The following KYAT3 variants were observed in gnomAD, a reference collection of about 807,000 sequenced individuals.
KYAT3 encodes the protein kynurenine--oxoglutarate transaminase 3.
KYAT3 carries 50 observed loss-of-function variants against 59.0 expected under a neutral mutation model. That is an observed-to-expected ratio of 0.85 (90% confidence interval 0.68 to 1.07). The LOEUF (loss-of-function observed/expected upper bound fraction) is 1.07. KYAT3 is among the 50% of genes least tolerant of loss of function. The pLI, the probability that KYAT3 is intolerant of heterozygous loss-of-function variation, is 0.00. For missense variants in KYAT3, 497 were observed against 533.3 expected, an observed-to-expected ratio of 0.93 and a Z score of 0.67; for synonymous variants, 148 against 177.0, an observed-to-expected ratio of 0.84 and a Z score of 1.30.
chr1:88,950,845 T>G (rs1295647526), intron 10 of KYAT3, among the ~76,000 whole-genome samples: 1 of 152,222 alleles, frequency 6.6e-6, no homozygotes, highest in Non-Finnish European at 1.5e-5. Flanking sequence ...CAAAACTCTC[T>G]AGTGACTTCC....
At chr1:88,964,710 A>T (rs1402901906) in intron 5 of KYAT3, 119 bp downstream of exon 5, 5 of 815,056 alleles carry the variant, frequency 6.1e-6, no homozygotes, top group South Asian at 1.6e-5. Flanking sequence ...TACATGCATT[A>T]TACTTAAAAC....
At chr1:88,924,003 C>T in the KYAT3 span, among the ~76,000 whole-genome samples, 108 of 152,336 alleles carry the variant, frequency 7.1e-4, 1 homozygote, top group African/African-American at 2.3e-3. Flanking sequence ...TGGTGCCTGG[C>T]GGTGAGCAGG....
At chr1:88,945,105 A>G (rs1389809560) in intron 11 of KYAT3, among the ~76,000 whole-genome samples, 1 of 152,166 alleles carries the variant, frequency 6.6e-6, no homozygotes, top group African/African-American at 2.4e-5. Flanking sequence ...CGGCCTCCCA[A>G]AGTGCTGGGA....
chr1:88,947,991 C>T (rs926493820), intron 11 of KYAT3, among the ~76,000 whole-genome samples: 2 of 152,138 alleles, frequency 1.3e-5, no homozygotes, highest in African/African-American at 2.4e-5. Context: ...ACTCAGGAGA[C>T]TCAGGTGGCA....
chr1:88,924,162 C>T, the KYAT3 span, among the ~76,000 whole-genome samples: 7 of 152,318 alleles, frequency 4.6e-5, no homozygotes, highest in East Asian at 1.9e-4. Context: ...CCAGTCAGTC[C>T]GTATAGAAAC....
intron 4 of KYAT3, among the ~76,000 whole-genome samples, chr1:88,967,027 C>A (rs1241828125): frequency 1.3e-5 from 2 of 151,890 alleles, no homozygotes; most frequent in Admixed American, 6.6e-5. Context: ...CTATGGTAAA[C>A]CTTACTTGGT....
downstream of KYAT3, among the ~76,000 whole-genome samples, chr1:88,934,358 G>A (rs1276271372): frequency 6.6e-6 from 1 of 152,146 alleles, no homozygotes; most frequent in Non-Finnish European, 1.5e-5. Flanking sequence ...GATGGCTGAG[G>A]CATGAGAATT....
intron 8 of KYAT3, among the ~76,000 whole-genome samples, chr1:88,959,395 G>A (rs895649425): frequency 2.0e-5 from 3 of 151,748 alleles, no homozygotes; most frequent in African/African-American, 7.3e-5. Context: ...TGGCCAACAC[G>A]GTGAAACCCC....
chr1:88,988,436 C>A, intron 1 of KYAT3, 85 bp from the exon 2 acceptor site: 2 of 703,886 alleles, frequency 2.8e-6, no homozygotes, highest in Admixed American at 2.9e-5. Flanking sequence ...GCTGATGTAT[C>A]ATAAGCTTAC....
intron 13 of KYAT3, among the ~76,000 whole-genome samples, chr1:88,937,782 G>C (rs759928237): frequency 2.5e-4 from 38 of 152,154 alleles, no homozygotes; most frequent in Admixed American, 2.0e-3. Flanking sequence ...TCCTGCCGAA[G>C]TGCATAGCCT....
At chr1:88,936,321 A>T in intron 13 of KYAT3, 76 bp from the exon 14 acceptor site, 1 of 1,103,654 alleles carries the variant, frequency 9.1e-7, no homozygotes, top group Non-Finnish European at 1.3e-6. Flanking sequence ...TAAATATACA[A>T]CATAATGAAG....
the KYAT3 span, among the ~76,000 whole-genome samples, chr1:88,927,430 G>C: frequency 6.6e-6 from 1 of 152,158 alleles, no homozygotes; most frequent in African/African-American, 2.4e-5. Context: ...AAGGCAAATG[G>C]AGTGAAGTGC....
Position 88,964,898 on chromosome 1 carries a change from G to C in KYAT3, c.384C>G (p.Ile128Met). 6.2e-7 allele frequency: 1 copy of C among 1,609,434 alleles called. No homozygotes were observed. Residue 128 changes from isoleucine (I) to methionine (M), a missense_variant, in exon 5 of 14, where the codon ATC becomes ATG. By Grantham distance (10) the Ile-to-Met change is conservative. Around this residue, in one of 2 missense-constraint regions of KYAT3, gnomAD observed 469 missense variants for 479.1 expected, o/e 0.98. Transcript: ENST00000260508. Reference sequence around the variant, plus strand: ...ATCCATATGCTCCTACTGTCACAAGGATTTCTTTATTTGAATCAATTTGCT... The same window carrying C: ...ATCCATATGCTCCTACTGTCACAAGCATTTCTTTATTTGAATCAATTTGCT... Reference protein sequence around the residue: ...YQKQIDSNKEILVTVGAYGSL... With the variant: ...YQKQIDSNKEMLVTVGAYGSL...
chr1:88,925,682 A>AAGAG, the KYAT3 span, among the ~76,000 whole-genome samples: 32 of 148,044 alleles, frequency 2.2e-4, no homozygotes, highest in East Asian at 4.0e-4. Context: ...AGAGAGATGG[A>AAGAG]AGAGAGAGAG....
At chr1:88,991,775 C>G (rs1293367788) in intron 1 of KYAT3, among the ~76,000 whole-genome samples, 6 of 152,238 alleles carry the variant, frequency 3.9e-5, no homozygotes, top group Admixed American at 3.9e-4. Context: ...TCGGTTTTGG[C>G]TCCCGAAGTC....
downstream of KYAT3, among the ~76,000 whole-genome samples, chr1:88,933,483 G>A (rs1319324947): frequency 6.6e-6 from 1 of 152,036 alleles, no homozygotes; most frequent in Non-Finnish European, 1.5e-5. Context: ...GAGGGAGGAG[G>A]AGGAGAGAGA....
chr1:88,934,432 C>T (rs1016707669), downstream of KYAT3, among the ~76,000 whole-genome samples: 3 of 152,002 alleles, frequency 2.0e-5, no homozygotes, highest in African/African-American at 4.8e-5. Flanking sequence ...CCAGCCTTGG[C>T]GATAGAGTGA....
chr1:88,927,292 G>C, the KYAT3 span, among the ~76,000 whole-genome samples: 1 of 152,108 alleles, frequency 6.6e-6, no homozygotes, highest in African/African-American at 2.4e-5. Flanking sequence ...TGCTAAGAAA[G>C]AAACTACTTA....
chr1:88,968,611 A>G, intron 4 of KYAT3, 59 bp downstream of exon 4: 1 of 1,357,394 alleles, frequency 7.4e-7, no homozygotes, highest in Non-Finnish European at 9.9e-7. Flanking sequence ...GCACACACAC[A>G]GACACACACC....
Sources: gnomAD v4.1 joint callset for allele counts (sites outside exome capture counted in the v4.1 genomes callset) on GRCh38, gnomAD v4.1.1 for gene constraint, gnomAD v4.1.1 regional missense constraint, MANE v1.5 for transcripts, NCBI Gene and HGNC (gene_info 2026-07-23, HGNC 2026-07-21) for gene names.